Variants in GAS7 observed in about 807,000 individuals in gnomAD.
GAS7 encodes growth arrest specific 7, also known as growth arrest-specific protein 7.
In GAS7, 28 loss-of-function variants were observed where a neutral mutation model predicts 71.1. The ratio of observed to expected loss-of-function variants is 0.39; its 90% CI spans 0.29 to 0.54. The LOEUF (loss-of-function observed/expected upper bound fraction) is 0.54, where lower values mean the gene tolerates loss of function less well. Among genes scored for constraint, GAS7 ranks in the 20% least tolerant of loss-of-function variants. The probability of loss-of-function intolerance (pLI) is 0.62; values close to 1 mark genes in which losing one functional copy is unlikely to be tolerated. For synonymous variants in GAS7, 258 were observed against 245.8 expected (o/e 1.05, Z -0.46); for missense variants, 436 against 627.8 (o/e 0.69, Z 3.27).
chr17:9,974,778 G>A lies in GAS7; in HGVS notation c.386-5016C>T, dbSNP rs889059856. On this transcript the variant is annotated intron_variant, in intron 3 of 13. Transcript: ENST00000432992. This position sits in a 1 kb window ranked among gnomAD's most constrained non-coding sequence, Gnocchi z 4.0. ...GTCAACAGAAACAGAAAAGAAAGGC[G>A]AATATGAAAAGTTATCGAGAAAGGC... is the stretch of plus-strand genomic sequence containing the variant. Among the ~76,000 whole-genome samples the A allele has an allele frequency of 2.6e-5, 4 of 152,006 alleles. No homozygotes were observed. Among genetic ancestry groups the A allele is most frequent in the Admixed American group, 6.6e-5 (1 of 15,260 alleles).
intron 1 of GAS7, among the ~76,000 whole-genome samples, chr17:10,152,778 T>G (rs2074176232): frequency 6.6e-6 from 1 of 152,124 alleles, no homozygotes; most frequent in Admixed American, 6.5e-5. Context: ...GACAAGGCCC[T>G]GAGAGCTGAA....
chr17:10,192,617 C>T (rs1219788040), intron 1 of GAS7, among the ~76,000 whole-genome samples: 1 of 152,114 alleles, frequency 6.6e-6, no homozygotes, highest in Non-Finnish European at 1.5e-5. Flanking sequence ...CAGGGATTCC[C>T]GCCGACTTGT....
At chr17:9,920,736 A>G (rs185548143) in intron 11 of GAS7, among the ~76,000 whole-genome samples, 2 of 152,348 alleles carry the variant, frequency 1.3e-5, no homozygotes, top group Admixed American at 6.5e-5. Context: ...TCATCCTCAC[A>G]GGGCTCCAGC....
chr17:9,975,129 C>A (rs954848988), intron 3 of GAS7, among the ~76,000 whole-genome samples: 1 of 152,132 alleles, frequency 6.6e-6, no homozygotes, highest in South Asian at 2.1e-4. Flanking sequence ...CTGAGGAGGG[C>A]GGATCACTTG....
chr17:10,167,781 C>T (rs1178537363), intron 1 of GAS7, among the ~76,000 whole-genome samples: 2 of 152,088 alleles, frequency 1.3e-5, no homozygotes, highest in African/African-American at 4.8e-5. Context: ...CCACAGGAGC[C>T]GACACCTTCT....
At position 9,910,775 on chromosome 17, in the gene GAS7, A is replaced by C. The variant is rs373203863; in HGVS notation, c.*6453T>G. The stretch of plus-strand genomic sequence containing the variant: ...CAGGTGGGTTACAGCCTCCACTGGG[A>C]TCAGGGTTTCAACAGTGTTACTTAT... On this transcript the variant is annotated 3_prime_UTR_variant, in exon 14 of 14. Transcript: ENST00000432992. 99 of 224,454 alleles carry C rather than the reference A, an allele frequency of 4.4e-4. 3 individuals carry two copies. The South Asian group carries it at 0.014, about 32-fold the overall frequency. The allele number at this position is 224,454 out of a possible 1,614,324, so 13.9% of individuals were successfully genotyped here. A position where few individuals can be genotyped will look rare whatever the true frequency, so the allele number is the denominator to read the frequency against.
At chr17:10,019,743 G>T (rs768541264) in intron 2 of GAS7, 34 bp downstream of exon 2, 2 of 1,591,092 alleles carry the variant, frequency 1.3e-6, no homozygotes, top group Admixed American at 1.7e-5. Context: ...ATGCCAGGGG[G>T]TTGGTGCAGG....
intron 1 of GAS7, among the ~76,000 whole-genome samples, chr17:10,093,463 G>A (rs1259993296): frequency 1.3e-5 from 2 of 150,666 alleles, no homozygotes; most frequent in East Asian, 2.0e-4. Context: ...CAGCTACTCA[G>A]GAGGCTGAAG....
intron 1 of GAS7, among the ~76,000 whole-genome samples, chr17:10,095,516 T>C (rs1342931184): frequency 6.6e-6 from 1 of 152,174 alleles, no homozygotes; most frequent in African/African-American, 2.4e-5. Flanking sequence ...TCCAGTTTGA[T>C]GACAAATGTG....
At chr17:10,010,046 GT>G (rs2071704727) in intron 2 of GAS7, among the ~76,000 whole-genome samples, 1 of 152,146 alleles carries the variant, frequency 6.6e-6, no homozygotes, top group South Asian at 2.1e-4. Flanking sequence ...GGGCAGTCTG[GT>G]CACAGCTTGG....
At chr17:10,182,994 A>G (rs935058830) in intron 1 of GAS7, among the ~76,000 whole-genome samples, 2 of 152,108 alleles carry the variant, frequency 1.3e-5, no homozygotes, top group Non-Finnish European at 2.9e-5. Context: ...AACCCAGGTA[A>G]GAAGCCATTA....
intron 1 of GAS7, among the ~76,000 whole-genome samples, chr17:10,099,766 C>A (rs2073680667): frequency 6.6e-6 from 1 of 152,152 alleles, no homozygotes; most frequent in Non-Finnish European, 1.5e-5. Context: ...CCTTAGGTGC[C>A]CTCTGCCCTG....
chr17:10,093,657 CA>C (rs1197017778), intron 1 of GAS7, among the ~76,000 whole-genome samples: 1 of 151,882 alleles, frequency 6.6e-6, no homozygotes, highest in Non-Finnish European at 1.5e-5. Context: ...TCCCTCCCAC[CA>C]CCTGCAATCC....
chr17:10,059,492 T>C (rs1157919637), intron 1 of GAS7, among the ~76,000 whole-genome samples: 1 of 152,110 alleles, frequency 6.6e-6, no homozygotes, highest in African/African-American at 2.4e-5. Context: ...ACTGGATGCA[T>C]GAGGAGGACT....
intron 4 of GAS7, among the ~76,000 whole-genome samples, chr17:9,965,712 C>A (rs11651574): frequency 0.42 from 63,840 of 152,020 alleles, 14,012 homozygotes; most frequent in Non-Finnish European, 0.48. Flanking sequence ...GCCTTTGATC[C>A]CTCGCCTCTG....
At chr17:10,125,957 C>G (rs2073942690) in intron 1 of GAS7, among the ~76,000 whole-genome samples, 1 of 152,224 alleles carries the variant, frequency 6.6e-6, no homozygotes, top group Non-Finnish European at 1.5e-5. Context: ...CTGGACAAGG[C>G]TGGCTCCATG....
At chr17:10,090,169 C>CAA (rs536907218) in intron 1 of GAS7, among the ~76,000 whole-genome samples, 1 of 126,470 alleles carries the variant, frequency 7.9e-6, no homozygotes, top group Non-Finnish European at 1.7e-5. Flanking sequence ...ACTCCGTCTC[C>CAA]AAAAAAAAAA....
intron 1 of GAS7, among the ~76,000 whole-genome samples, chr17:10,149,395 G>A (rs571590257): frequency 3.9e-5 from 6 of 152,232 alleles, no homozygotes; most frequent in South Asian, 2.1e-4. Flanking sequence ...GAGCCACCGC[G>A]CCCGGCCCCA....
intron 3 of GAS7, among the ~76,000 whole-genome samples, chr17:9,980,710 AG>A (rs1327133934): frequency 6.6e-6 from 1 of 152,194 alleles, no homozygotes; most frequent in Non-Finnish European, 1.5e-5. Flanking sequence ...AAACAGACAA[AG>A]TCCCCACCCT....
Sources: allele counts gnomAD v4.1 joint callset (sites outside exome capture counted in the v4.1 genomes callset), GRCh38; gene constraint gnomAD v4.1.1; non-coding constraint Gnocchi (gnomAD v3.1); transcripts MANE v1.5; gene names NCBI Gene and HGNC (gene_info 2026-07-23, HGNC 2026-07-21).